CLVS2: variants seen among roughly 807,000 people sequenced by gnomAD.
CLVS2 encodes the protein clavesin-2.
In CLVS2, 19 loss-of-function variants were observed where a neutral mutation model predicts 29.0. The observed-to-expected ratio is 0.66, with a 90% CI of 0.46 to 0.96. The LOEUF is 0.96. Ranked by LOEUF, CLVS2 falls within the 40% of genes least tolerant of loss-of-function variation. CLVS2 has a pLI of 0.00. For synonymous variants in CLVS2, 161 were observed against 151.3 expected, an observed-to-expected ratio of 1.06 and a Z score of -0.47; for missense variants, 294 against 404.1, an observed-to-expected ratio of 0.73 and a Z score of 2.34.
At chr6:123,042,537 C>T (rs887057680) in intron 3 of CLVS2, among the ~76,000 whole-genome samples, 5 of 152,142 alleles carry the variant, frequency 3.3e-5, no homozygotes, top group African/African-American at 1.2e-4. Context: ...ACTCTTATCT[C>T]TGTATGAAGG....
chr6:123,027,673 A>G (rs1775024011), intron 3 of CLVS2, among the ~76,000 whole-genome samples: 1 of 152,146 alleles, frequency 6.6e-6, no homozygotes, highest in African/African-American at 2.4e-5. Context: ...CATAGACTAG[A>G]AGTAAGGGCT....
intron 2 of CLVS2, among the ~76,000 whole-genome samples, chr6:122,999,497 TTGGCCAGTTA>T (rs1406339263): frequency 1.3e-5 from 2 of 152,172 alleles, no homozygotes; most frequent in Non-Finnish European, 2.9e-5. Context: ...GTTACTTACT[TTGGCCAGTTA>T]TAGAGATGTT....
chr6:123,004,324 T>C (rs1774633165), intron 2 of CLVS2, among the ~76,000 whole-genome samples: 1 of 152,194 alleles, frequency 6.6e-6, no homozygotes, highest in Non-Finnish European at 1.5e-5. Context: ...CCCGCAGATG[T>C]TTCATTTCCA....
In CLVS2 at chr6:123,068,014, A is replaced by T. The variant is rs1029748160; in HGVS notation, c.*4253A>T. 1 of 151,724 alleles carries T rather than the reference A, an allele frequency of 6.6e-6. No homozygotes were observed. Among genetic ancestry groups the T allele is most frequent in the Admixed American group, 6.6e-5 (1 of 15,192 alleles). The allele number at this position is 151,724 out of a possible 1,614,324, so 9.4% of individuals were successfully genotyped here. On this transcript the variant is annotated 3_prime_UTR_variant, in exon 6 of 6. Coordinates refer to ENST00000275162, the MANE Select transcript of CLVS2 (RefSeq NM_001010852.4). ...ATGATCTCAATGGCTTAGAGAATATAATCTTTTTTAAGAATTAAAGATTTT... is the reference window on the plus strand; with the variant it reads ...ATGATCTCAATGGCTTAGAGAATATTATCTTTTTTAAGAATTAAAGATTTT...
intron 2 of CLVS2, among the ~76,000 whole-genome samples, 197 bp downstream of exon 2, chr6:122,998,363 C>T (rs930637673): frequency 6.6e-6 from 1 of 152,172 alleles, no homozygotes; most frequent in African/African-American, 2.4e-5. Context: ...TTAAAACTTA[C>T]TTCACTAACA....
intron 3 of CLVS2, among the ~76,000 whole-genome samples, chr6:123,017,086 G>A (rs895754002): frequency 3.4e-4 from 30 of 87,082 alleles, no homozygotes; most frequent in African/African-American, 1.4e-3. Context: ...TTGCATGTGT[G>A]TATGTGTGTG....
intron 3 of CLVS2, among the ~76,000 whole-genome samples, chr6:123,028,457 C>T (rs925228983): frequency 6.6e-6 from 1 of 152,086 alleles, no homozygotes; most frequent in Non-Finnish European, 1.5e-5. Flanking sequence ...CCCAAAAGTC[C>T]GAGACCAGCC....
chr6:123,017,660 C>T (rs1359748755), intron 3 of CLVS2, among the ~76,000 whole-genome samples: 2 of 151,960 alleles, frequency 1.3e-5, no homozygotes, highest in Admixed American at 6.6e-5. Flanking sequence ...AGAAGTAGGA[C>T]GTTGTAAGTC....
chr6:123,011,475 C>CT (rs1249996695), intron 3 of CLVS2, among the ~76,000 whole-genome samples: 8 of 151,830 alleles, frequency 5.3e-5, no homozygotes, highest in Non-Finnish European at 1.2e-4. Flanking sequence ...GTTTTTGTTT[C>CT]TTTTTTCTGT....
At position 123,070,307 on chromosome 6, in the gene CLVS2, T is replaced by G. The variant is rs558726734; in HGVS notation, c.*6546T>G. 6.6e-6 allele frequency: 1 copy of G among 152,044 alleles called. No homozygotes were observed. Among genetic ancestry groups the G allele is most frequent in the South Asian group, 2.1e-4 (1 of 4,820 alleles). The allele number at this position is 152,044 out of a possible 1,614,324, so 9.4% of individuals were successfully genotyped here. ...TTCCAGTTTCTAGGAATAAAAATTT[T>G]GGAGTCATCCTCTCTTTCCTTCCTC... is the stretch of plus-strand genomic sequence containing the variant. On this transcript the variant is annotated 3_prime_UTR_variant, in exon 6 of 6. Transcript: ENST00000275162.
In CLVS2 at chr6:123,068,146, A is replaced by G. The variant is rs1181504217; in HGVS notation, c.*4385A>G. ...TCTCCAGTACCATAGGAAAATATAT[A>G]AGATAACAACTTTGTGGATTGAAAC... On this transcript the variant is annotated 3_prime_UTR_variant, in exon 6 of 6. Transcript: ENST00000275162. 6.6e-6 allele frequency: 1 copy of G among 151,678 alleles called. No homozygotes were observed. Among genetic ancestry groups the G allele is most frequent in the African/African-American group, 2.4e-5 (1 of 41,396 alleles). 9.4% of individuals were successfully genotyped at this position (151,678 alleles called of 1,614,324 possible).
At chr6:123,018,969 T>C (rs1004608204) in intron 3 of CLVS2, among the ~76,000 whole-genome samples, 2 of 152,110 alleles carry the variant, frequency 1.3e-5, no homozygotes, top group Admixed American at 1.3e-4. Context: ...GTCTAAGTGA[T>C]GGTGCTGCTC....
intron 4 of CLVS2, among the ~76,000 whole-genome samples, chr6:123,049,787 CG>C (rs1231876809): frequency 9.4e-6 from 1 of 106,454 alleles, no homozygotes; most frequent in Non-Finnish European, 2.0e-5. Flanking sequence ...TATCACACAC[CG>C]GGGCCTGTTG....
At chr6:122,999,702 G>A (rs571426275) in intron 2 of CLVS2, among the ~76,000 whole-genome samples, 30 of 152,240 alleles carry the variant, frequency 2.0e-4, no homozygotes, top group Non-Finnish European at 4.1e-4. Context: ...TATTCTGTAT[G>A]TCAGATTGGA....
In CLVS2 at chr6:123,065,555, T is replaced by C. The variant is rs1457961538; in HGVS notation, c.*1794T>C. On this transcript the variant is annotated 3_prime_UTR_variant, in exon 6 of 6. Transcript: ENST00000275162. ...CAGAAGAATAATGACTGTCAGGCAC[T>C]CTGCTCTCCTTGTGACTTTTACAGA... The C allele has an allele frequency of 6.6e-6, 1 of 151,876 alleles. No homozygotes were observed. Among genetic ancestry groups the C allele is most frequent in the African/African-American group, 2.4e-5 (1 of 41,416 alleles). The allele number at this position is 151,876 out of a possible 1,614,324, so 9.4% of individuals were successfully genotyped here. A position where few individuals can be genotyped will look rare whatever the true frequency, so the allele number is the denominator to read the frequency against.
At chr6:123,030,458 T>C (rs777196434) in intron 3 of CLVS2, among the ~76,000 whole-genome samples, 3 of 152,198 alleles carry the variant, frequency 2.0e-5, no homozygotes, top group Non-Finnish European at 2.9e-5. Flanking sequence ...AAACTATCTG[T>C]TGTTCAGACT....
chr6:122,998,614 T>C (rs1774546942), intron 2 of CLVS2, among the ~76,000 whole-genome samples: 1 of 152,142 alleles, frequency 6.6e-6, no homozygotes, highest in Admixed American at 6.5e-5. Flanking sequence ...GGTACTGACG[T>C]TTTATCTTTT....
rs571680048 is a variant in CLVS2, at chr6:123,047,735, T to C, written c.565-887T>C. Reference sequence around the variant, plus strand: ...TATGATGCCACTTCAGAGGCACTTCTAGTAGGCTAGTTTTTTTTTTCTTTT... The same window carrying C: ...TATGATGCCACTTCAGAGGCACTTCCAGTAGGCTAGTTTTTTTTTTCTTTT... On this transcript the variant is annotated intron_variant, in intron 3 of 5. Coordinates refer to ENST00000275162, the MANE Select transcript of CLVS2 (RefSeq NM_001010852.4). Among the ~76,000 whole-genome samples, 4 of 146,354 alleles carry C rather than the reference T, an allele frequency of 2.7e-5. No homozygotes were observed. In the Admixed American group the frequency reaches 2.7e-4, roughly 10 times the overall value.
chr6:123,039,920 C>T (rs557532642), intron 3 of CLVS2, among the ~76,000 whole-genome samples: 4 of 152,220 alleles, frequency 2.6e-5, no homozygotes, highest in African/African-American at 7.2e-5. Context: ...TCTATATTTA[C>T]GGTACTCAGG....
Sources: allele counts gnomAD v4.1 joint callset (sites outside exome capture counted in the v4.1 genomes callset), GRCh38; gene constraint gnomAD v4.1.1; transcripts MANE v1.5; gene names NCBI Gene and HGNC (gene_info 2026-07-23, HGNC 2026-07-21).